UPF3B: variants seen among roughly 807,000 people sequenced by gnomAD.
The protein encoded by UPF3B is regulator of nonsense transcripts 3B.
Under a neutral mutation model 40.3 loss-of-function variants are expected in UPF3B, and 7 were observed. The observed-to-expected ratio is 0.17, with a 90% confidence interval of 0.10 to 0.33. UPF3B has a LOEUF of 0.33. Ranked by LOEUF, UPF3B falls within the 10% of genes least tolerant of loss-of-function variation. The pLI is 1.00. For missense variants in UPF3B, 229 were observed against 358.9 expected (o/e 0.64, Z 2.93); for synonymous variants, 117 against 117.3 (o/e 1.00, Z 0.01).
At chrX:119,819,200 C>T (rs1207134725) in intron 4 of UPF3B, among the ~76,000 whole-genome samples, 1 of 109,122 alleles carries the variant, frequency 9.2e-6, no homozygotes, top group Non-Finnish European at 1.9e-5. Flanking sequence ...ATTACAGGCA[C>T]GCACCACCAC....
downstream of UPF3B, among the ~76,000 whole-genome samples, chrX:119,833,718 G>T (rs1017174079): frequency 1.4e-4 from 16 of 112,060 alleles, no homozygotes; most frequent in African/African-American, 5.2e-4. Flanking sequence ...GTTGGCCAGG[G>T]TGGTCTTGAA....
chrX:119,816,347 C>A (rs1037641385), intron 4 of UPF3B, among the ~76,000 whole-genome samples: 9 of 111,408 alleles, frequency 8.1e-5, no homozygotes, highest in Non-Finnish European at 5.7e-5. Context: ...TGTGCTACCG[C>A]GACCCTTCTG....
intron 1 of UPF3B, 64 bp downstream of exon 1, chrX:119,852,709 C>T: frequency 8.3e-7 from 1 of 1,203,776 alleles, no homozygotes; most frequent in Non-Finnish European, 1.1e-6. Flanking sequence ...GCCCCATTCC[C>T]AGCCATCCTC....
chrX:119,806,930 G>A (rs1469935564), intron 6 of UPF3B, among the ~76,000 whole-genome samples: 1 of 104,063 alleles, frequency 9.6e-6, no homozygotes, highest in Non-Finnish European at 1.9e-5. Context: ...TCGGGAGGCT[G>A]AGGCAGGAGA....
intron 7 of UPF3B, 81 bp from the exon 8 acceptor site, chrX:119,840,765 A>C: frequency 2.0e-6 from 2 of 984,665 alleles, no homozygotes; most frequent in Non-Finnish European, 2.9e-6. Flanking sequence ...ACCATAAATC[A>C]TGCCAGCCAG....
chrX:119,816,239 G>A (rs925512766), intron 4 of UPF3B, among the ~76,000 whole-genome samples: 3 of 111,884 alleles, frequency 2.7e-5, no homozygotes, highest in African/African-American at 9.7e-5. Flanking sequence ...TTGCTTAGCA[G>A]GAGTGAAGGC....
chrX:119,826,473 C>T (rs1197903862), intron 3 of UPF3B, among the ~76,000 whole-genome samples: 1 of 110,955 alleles, frequency 9.0e-6, no homozygotes, highest in East Asian at 2.8e-4. Context: ...CAGGGCGAGT[C>T]CACGTCTCAA....
In UPF3B at chrX:119,834,506, G is replaced by A; in HGVS notation, c.*372C>T. Reference sequence around the variant, plus strand: ...AGCGACTCTGCTCCACCCAAATTCAGAAAATTCAATTCAGGATGAACAACA... The same window carrying A: ...AGCGACTCTGCTCCACCCAAATTCAAAAAATTCAATTCAGGATGAACAACA... On this transcript the variant is annotated 3_prime_UTR_variant, in exon 11 of 11. Coordinates refer to ENST00000276201, the MANE Select transcript of UPF3B (RefSeq NM_080632.3). 1 of 882,117 alleles carries A rather than the reference G, an allele frequency of 1.1e-6. No individual in the cohort carries two copies. The highest frequency in any genetic ancestry group is 3.4e-5 in the South Asian group (1 of 29,661). 72.7% of individuals were successfully genotyped at this position (882,117 alleles called of 1,213,427 possible). A position where few individuals can be genotyped will look rare whatever the true frequency, so the allele number is the denominator to read the frequency against.
chrX:119,839,510 C>T (rs929503756), intron 8 of UPF3B, among the ~76,000 whole-genome samples: 2 of 112,305 alleles, frequency 1.8e-5, no homozygotes, highest in African/African-American at 3.2e-5. Flanking sequence ...ATGAATCTCT[C>T]GAGAATACCT....
In UPF3B at chrX:119,825,092, A is replaced by G. The variant is rs775407327; in HGVS notation, c.393-2049T>C. Among the ~76,000 whole-genome samples, 3 of 111,316 alleles carry G rather than the reference A, an allele frequency of 2.7e-5. No homozygotes were observed. In the South Asian group the frequency reaches 1.1e-3, roughly 41 times the overall value. On this transcript the variant is annotated intron_variant, in intron 3 of 6. Transcript: ENST00000636792. Reference sequence around the variant, plus strand: ...GTATCTCCATTTCTTTCACAGCTGTATTAGTCCGTTTTCACACTGGTAGAA... The same window carrying G: ...GTATCTCCATTTCTTTCACAGCTGTGTTAGTCCGTTTTCACACTGGTAGAA...
chrX:119,828,078 G>T (rs761256873), intron 3 of UPF3B, among the ~76,000 whole-genome samples: 1 of 107,612 alleles, frequency 9.3e-6, no homozygotes, highest in Non-Finnish European at 1.9e-5. Context: ...TTTCGAGCCG[G>T]AGTCTCGCTC....
At chrX:119,832,714 G>A (rs758103578), downstream of UPF3B, among the ~76,000 whole-genome samples, 2 of 111,121 alleles carry the variant, frequency 1.8e-5, no homozygotes, top group South Asian at 7.6e-4. Context: ...ACAGCCCAGA[G>A]ACAGTAAAGA....
Position 119,841,781 on chromosome X carries a change from A to G in UPF3B, c.581-3T>C. ...CAAAAGTGGGGTTGTCTTTTTAGCT[A>G]CATAAATGTAAACAGATTATTAATC... On this transcript the variant is annotated splice_region_variant and splice_polypyrimidine_tract_variant and intron_variant, in intron 5 of 10. Transcript: ENST00000276201. 1 of 1,197,741 alleles carries G rather than the reference A, an allele frequency of 8.3e-7. No homozygotes were observed. Among genetic ancestry groups the G allele is most frequent in the Non-Finnish European group, 1.1e-6 (1 of 883,042 alleles).
In UPF3B at chrX:119,841,184, C is replaced by T; in HGVS notation, c.699G>A (p.Arg233=). 1 of 1,181,761 alleles carries T rather than the reference C, an allele frequency of 8.5e-7. No homozygotes were observed. The highest frequency in any genetic ancestry group is 1.8e-5 in the South Asian group (1 of 56,046). ...IERKRQREEE[R]RKWKEEEKRK... is the part of the protein sequence containing the mutation. ...GTTTCTCTTCTTCTTTCCATTTCCTCCTCTCTTCTTCTCTTTGTCTTTTTC... is the reference window on the plus strand; with the variant it reads ...GTTTCTCTTCTTCTTTCCATTTCCTTCTCTCTTCTTCTCTTTGTCTTTTTC... The change falls in exon 7 of 11, where the codon AGG becomes AGA. Residue 233 remains arginine (R), a synonymous_variant. Transcript: ENST00000276201.
In UPF3B at chrX:119,834,984, C is replaced by T. The variant is rs776277929; in HGVS notation, c.1346G>A (p.Arg449Gln). ...GTCATCAGGGGGACAGAGTCGATTT[C>T]GGCTTCGAGCTCCTGGTTGGTAAAG... ...MQLYQPGARS[R>Q]NRLCPPDDST... Residue 449 changes from arginine to glutamine, a missense_variant, in exon 11 of 11, where the codon CGA (arginine) becomes CAA (glutamine). Physicochemically the swap from Arg to Gln is conservative, Grantham distance 43 (BLOSUM62 1). Coordinates refer to ENST00000276201, the MANE Select transcript of UPF3B (RefSeq NM_080632.3). 2 of 1,179,959 alleles carry T rather than the reference C, an allele frequency of 1.7e-6. No individual in the cohort carries two copies. Among genetic ancestry groups the T allele is most frequent in the Admixed American group, 2.2e-5 (1 of 44,975 alleles).
chrX:119,838,612 TTAGAC>T lies in UPF3B; in HGVS notation c.847-90_847-86del, dbSNP rs1338083844. On this transcript the variant is annotated intron_variant, in intron 8 of 10. Transcript: ENST00000276201. ...ACCCAGTATACCAAATATTTAAAATTTAGACTAGACAAAGCCCCCTATCTCTGCAG... is the reference window on the plus strand; with the variant it reads ...ACCCAGTATACCAAATATTTAAAATTTAGACAAAGCCCCCTATCTCTGCAG... The T allele has an allele frequency of 1.7e-5, 17 of 992,704 alleles. No homozygotes were observed. The East Asian group carries it at 5.2e-4, about 30-fold the overall frequency. The allele number at this position is 992,704 out of a possible 1,213,427, so 81.8% of individuals were successfully genotyped here.
intron 3 of UPF3B, among the ~76,000 whole-genome samples, chrX:119,823,682 G>T (rs1306122677): frequency 9.5e-6 from 1 of 105,050 alleles, no homozygotes; most frequent in Non-Finnish European, 1.9e-5. Flanking sequence ...TCCTGCCTCA[G>T]TCTCCCAAGT....
rs1008317163 is a variant in UPF3B, at chrX:119,851,848, G to C, written c.182C>G (p.Thr61Ser). ...SKVVIRRLPP[T>S]LTKEQLQEHL... ...TTCCTGAAGCTGCTCCTTGGTCAAA[G>C]TGGGAGGTAATCTTCGAATTACCAC... Residue 61 changes from threonine (T) to serine (S), a missense_variant, in exon 2 of 11, where the codon ACT becomes AGT. Thr to Ser is a moderately conservative substitution (Grantham distance 58, BLOSUM62 1). Coordinates refer to ENST00000276201, the MANE Select transcript of UPF3B (RefSeq NM_080632.3). 4 of 1,192,470 alleles carry C rather than the reference G, an allele frequency of 3.4e-6. No individual in the cohort carries two copies. Among genetic ancestry groups the C allele is most frequent in the East Asian group, 3.0e-5 (1 of 32,930 alleles).
chrX:119,848,708 C>T (rs2056264828), intron 3 of UPF3B, among the ~76,000 whole-genome samples: 1 of 110,913 alleles, frequency 9.0e-6, no homozygotes. Flanking sequence ...AAACATTGTG[C>T]TAGGTAAAAG....
Sources: allele counts gnomAD v4.1 joint callset (sites outside exome capture counted in the v4.1 genomes callset), GRCh38; gene constraint gnomAD v4.1.1; transcripts MANE v1.5; gene names NCBI Gene and HGNC (gene_info 2026-07-23, HGNC 2026-07-21).